The following MAST4 variants were observed in gnomAD, a reference collection of about 807,000 sequenced individuals.
MAST4 encodes the protein microtubule associated serine/threonine kinase family member 4, also known as microtubule-associated serine/threonine-protein kinase 4.
Under a neutral mutation model 162.7 loss-of-function variants are expected in MAST4, and 89 were observed. The observed-to-expected ratio is 0.55, with a 90% CI of 0.46 to 0.65. The LOEUF is 0.65. Among genes scored for constraint, MAST4 ranks in the 30% least tolerant of loss-of-function variants. MAST4 has a pLI of 0.00. For missense variants in MAST4, 3,153 were observed against 3,374.0 expected, an observed-to-expected ratio of 0.93 and a Z score of 1.62; for synonymous variants, 1,479 against 1,361.1, an observed-to-expected ratio of 1.09 and a Z score of -1.91.
chr5:66,820,751 T>C (rs1251082397), intron 3 of MAST4, among the ~76,000 whole-genome samples: 1 of 152,220 alleles, frequency 6.6e-6, no homozygotes, highest in Non-Finnish European at 1.5e-5. Flanking sequence ...GGTGTCATTG[T>C]TAAAATGTTC....
intron 1 of MAST4, among the ~76,000 whole-genome samples, chr5:66,708,576 A>T (rs1404781887): frequency 6.6e-6 from 1 of 152,106 alleles, no homozygotes; most frequent in Non-Finnish European, 1.5e-5. Context: ...TCCTTGTCTG[A>T]ATTGAGTTTG....
At chr5:66,640,378 G>C (rs1745413227) in intron 1 of MAST4, among the ~76,000 whole-genome samples, 1 of 151,578 alleles carries the variant, frequency 6.6e-6, no homozygotes. Flanking sequence ...CACAATCTCG[G>C]CTCACTGCAA....
chr5:67,112,647 A>G (rs7728151), intron 11 of MAST4, among the ~76,000 whole-genome samples: 5,903 of 152,272 alleles, frequency 0.039, 385 homozygotes, highest in African/African-American at 0.14. Context: ...GATGAGATGC[A>G]TAGGGTGAAG....
In MAST4 at chr5:67,095,787, A is replaced by C. The variant is rs113981307; in HGVS notation, c.912+112A>C. 150 of 697,752 alleles carry C rather than the reference A, an allele frequency of 2.1e-4. 4 individuals are homozygous for C. The African/African-American group carries it at 2.3e-3, about 10-fold the overall frequency. The allele number at this position is 697,752 out of a possible 1,614,324, so 43.2% of individuals were successfully genotyped here. A position where few individuals can be genotyped will look rare whatever the true frequency, so the allele number is the denominator to read the frequency against. ...GTAGGGAGGAGAAGATAAATTCTGC[A>C]TGTCTGCCACTCTGAATAAGTGACA... On this transcript the variant is annotated intron_variant, in intron 7 of 28. Transcript: ENST00000403625.
In MAST4 at chr5:66,596,786, G is replaced by T. The variant is rs770178477; in HGVS notation, c.131G>T (p.Gly44Val). 5 of 1,362,942 alleles carry T rather than the reference G, an allele frequency of 3.7e-6. No individual in the cohort carries two copies. In the Admixed American group the frequency reaches 1.7e-4, roughly 47 times the overall value. 84.4% of individuals were successfully genotyped at this position (1,362,942 alleles called of 1,614,324 possible). A position where few individuals can be genotyped will look rare whatever the true frequency, so the allele number is the denominator to read the frequency against. The change falls in exon 1 of 29, where the codon GGC becomes GTC. Residue 44 changes from glycine (G) to valine (V), a missense_variant. Physicochemically the swap from Gly to Val is moderately radical, Grantham distance 109 (BLOSUM62 -3). This residue lies in a region of MAST4 where 327 missense variants were observed against 336.5 expected (regional missense o/e 0.97). Transcript: ENST00000403625. ...GCTTCCTCGGCCGAGTCCTCCTCGG[G>T]CTCAGAAACTCTGTCGGAGGAAGGG... The part of the protein sequence containing the change: ...PGASSAESSS[G>V]SETLSEEGEP...
chr5:67,018,931 A>T (rs1427335879), intron 4 of MAST4, among the ~76,000 whole-genome samples: 5 of 152,216 alleles, frequency 3.3e-5, no homozygotes, highest in African/African-American at 9.6e-5. Flanking sequence ...AATATTTTTT[A>T]AAAAATCACC....
chr5:66,886,646 TTC>T (rs940562070), intron 3 of MAST4, among the ~76,000 whole-genome samples: 31 of 150,484 alleles, frequency 2.1e-4, no homozygotes, highest in Non-Finnish European at 8.8e-5. Context: ...AAACACATAC[TTC>T]CTGTGTAATT....
At chr5:66,665,652 G>A (rs1390415895) in intron 1 of MAST4, among the ~76,000 whole-genome samples, 4 of 152,154 alleles carry the variant, frequency 2.6e-5, no homozygotes, top group Admixed American at 6.5e-5. Context: ...GGTAGTATTT[G>A]AACTACAGAG....
In MAST4 at chr5:67,166,181, C is replaced by T. The variant is rs1241589477; in HGVS notation, c.7002C>T (p.Pro2334=). 6 of 1,555,120 alleles carry T rather than the reference C, an allele frequency of 3.9e-6. No homozygotes were observed. Among genetic ancestry groups the T allele is most frequent in the Non-Finnish European group, 5.2e-6 (6 of 1,148,892 alleles). ...AGCAAACCCTGTCTCCAAAGCACCCCAAACCATCCACTGTGAAAGATTGCC... is the reference window on the plus strand; with the variant it reads ...AGCAAACCCTGTCTCCAAAGCACCCTAAACCATCCACTGTGAAAGATTGCC... ...GEKQTLSPKH[P]KPSTVKDCPT... is the part of the protein sequence containing the mutation. The change falls in exon 29 of 29, where the codon CCC becomes CCT. Residue 2334 remains proline (P), a synonymous_variant. Coordinates refer to ENST00000403625, the MANE Select transcript of MAST4 (RefSeq NM_001164664.2).
chr5:66,660,959 A>G (rs1746868842), intron 1 of MAST4, among the ~76,000 whole-genome samples: 1 of 152,218 alleles, frequency 6.6e-6, no homozygotes, highest in African/African-American at 2.4e-5. Flanking sequence ...CAGGCTTTCA[A>G]TATTAATGCT....
rs114575058 is a variant in MAST4 at position 66,709,863 on chromosome 5, G to A, written c.364-49846G>A. Among the ~76,000 whole-genome samples the A allele has an allele frequency of 1.0e-2, 1,518 of 152,262 alleles. 10 individuals carry two copies. Among genetic ancestry groups the A allele is most frequent in the Admixed American group, 0.015 (233 of 15,294 alleles). ...CCTGTGGATATTAGGGAGATTTTAAGCTTTAGAAAATGACGTATTCCACCC... is the reference window on the plus strand; with the variant it reads ...CCTGTGGATATTAGGGAGATTTTAAACTTTAGAAAATGACGTATTCCACCC... On this transcript the variant is annotated intron_variant, in intron 1 of 28. Coordinates refer to ENST00000403625, the MANE Select transcript of MAST4 (RefSeq NM_001164664.2).
At chr5:66,711,702 G>A (rs551284055) in intron 1 of MAST4, among the ~76,000 whole-genome samples, 9 of 152,150 alleles carry the variant, frequency 5.9e-5, no homozygotes, top group Non-Finnish European at 1.3e-4. Context: ...GGGCATGGTG[G>A]TGGGCGTCTG....
chr5:66,770,330 T>C lies in MAST4; in HGVS notation c.517+10468T>C, dbSNP rs1754303600. 2.0e-5 allele frequency among the ~76,000 whole-genome samples: 3 copies of C among 152,230 alleles called. No individual in the cohort carries two copies. In the South Asian group the frequency reaches 6.2e-4, roughly 31 times the overall value. ...TGCAATTCCTCCTTGTCAGGAGTAG[T>C]AAGGTCTCATGAGACCTAGACTTAA... is the stretch of plus-strand genomic sequence containing the variant. On this transcript the variant is annotated intron_variant, in intron 2 of 28. Transcript: ENST00000403625.
chr5:66,937,448 T>G (rs776624006), intron 4 of MAST4, among the ~76,000 whole-genome samples: 5 of 152,182 alleles, frequency 3.3e-5, no homozygotes, highest in Non-Finnish European at 5.9e-5. Context: ...GGCATTTATT[T>G]TGGTGCATAG....
At chr5:66,822,684 A>G (rs1258124093) in intron 3 of MAST4, among the ~76,000 whole-genome samples, 1 of 152,184 alleles carries the variant, frequency 6.6e-6, no homozygotes, top group Non-Finnish European at 1.5e-5. Context: ...TCTTATAGGC[A>G]CATGGCTCAG....
intron 14 of MAST4, among the ~76,000 whole-genome samples, chr5:67,125,765 C>A (rs985252060): frequency 6.6e-6 from 1 of 152,110 alleles, no homozygotes; most frequent in Non-Finnish European, 1.5e-5. Context: ...TGAGTATATA[C>A]CCAGTAAGGG....
intron 4 of MAST4, among the ~76,000 whole-genome samples, chr5:67,040,467 A>G (rs1756602509): frequency 6.6e-6 from 1 of 152,060 alleles, no homozygotes; most frequent in Non-Finnish European, 1.5e-5. Context: ...TCCACATCCC[A>G]CCTGTCTACC....
intron 1 of MAST4, among the ~76,000 whole-genome samples, chr5:66,693,790 CA>C (rs67748398): frequency 0.76 from 114,852 of 151,832 alleles, 44,655 homozygotes; most frequent in African/African-American, 0.93. Flanking sequence ...CTTTAGAGAG[CA>C]AAAAAAACTG....
intron 5 of MAST4, among the ~76,000 whole-genome samples, chr5:67,076,301 C>T (rs1386182377): frequency 2.6e-5 from 4 of 152,158 alleles, no homozygotes; most frequent in African/African-American, 9.7e-5. Context: ...GTGGCATAAA[C>T]TCTTTTACCA....
Sources: allele counts gnomAD v4.1 joint callset (sites outside exome capture counted in the v4.1 genomes callset), GRCh38; gene constraint gnomAD v4.1.1; regional missense constraint gnomAD v4.1.1; transcripts MANE v1.5; gene names NCBI Gene and HGNC (gene_info 2026-07-23, HGNC 2026-07-21).